DLG2: variants seen among roughly 807,000 people sequenced by gnomAD.
DLG2 encodes the protein discs large MAGUK scaffold protein 2, also known as disks large homolog 2.
A neutral mutation model predicts 132.5 loss-of-function variants in DLG2; 45 were observed. The ratio of observed to expected loss-of-function variants is 0.34; its 90% confidence interval spans 0.27 to 0.44. The LOEUF (loss-of-function observed/expected upper bound fraction) is 0.44. Among genes scored for constraint, DLG2 ranks in the 20% least tolerant of loss-of-function variants. The pLI is 1.00. For synonymous variants in DLG2, 424 were observed against 419.6 expected (o/e 1.01, Z -0.13); for missense variants, 1,045 against 1,196.9 (o/e 0.87, Z 1.87).
intron 6 of DLG2, among the ~76,000 whole-genome samples, chr11:84,837,797 G>A (rs189976758): frequency 1.1e-4 from 17 of 151,832 alleles, no homozygotes; most frequent in Middle Eastern, 3.4e-3. Context: ...CACTCATTCC[G>A]CAATCTCCAG....
chr11:83,696,463 G>C (rs938329673), intron 18 of DLG2, among the ~76,000 whole-genome samples: 1 of 152,124 alleles, frequency 6.6e-6, no homozygotes. Flanking sequence ...CAGCCAGTCA[G>C]TCAGTCAGTA....
intron 15 of DLG2, among the ~76,000 whole-genome samples, chr11:83,911,491 G>A (rs756239613): frequency 1.5e-4 from 23 of 151,668 alleles, no homozygotes; most frequent in South Asian, 4.2e-4. Flanking sequence ...ATTTTTTAAT[G>A]TGTGGGATTT....
At chr11:84,273,315 A>C in intron 7 of DLG2, 2 of 1,403,464 alleles carry the variant, frequency 1.4e-6, no homozygotes, top group South Asian at 1.6e-5. Context: ...GGAAAAAAAA[A>C]AAAAAAAAAA....
At chr11:84,409,419 T>C (rs1047866624) in intron 7 of DLG2, among the ~76,000 whole-genome samples, 15 of 152,188 alleles carry the variant, frequency 9.9e-5, no homozygotes, top group African/African-American at 2.9e-4. Context: ...AGGAGTGGTA[T>C]TGTCAGCAGG....
rs562889446 is a variant in DLG2 at position 84,246,388 on chromosome 11, T to C, written c.573+4850A>G. On this transcript the variant is annotated intron_variant, in intron 8 of 27. Coordinates refer to ENST00000376104, the MANE Select transcript of DLG2 (RefSeq NM_001142699.3). ...CTTATTAGCTGTCTGGGTGATCAAATTGACTATCCTGGTATAGTAGTTTCT... is the reference window on the plus strand; with the variant it reads ...CTTATTAGCTGTCTGGGTGATCAAACTGACTATCCTGGTATAGTAGTTTCT... Among the ~76,000 whole-genome samples, 4 of 152,298 alleles carry C rather than the reference T, an allele frequency of 2.6e-5. No individual in the cohort carries two copies. In the South Asian group the frequency reaches 8.3e-4, roughly 32 times the overall value.
rs1566561166 is a variant in DLG2, at chr11:83,692,526, T to C, written c.1826-59201A>G. Among the ~76,000 whole-genome samples the C allele has an allele frequency of 2.0e-5, 3 of 152,274 alleles. No individual in the cohort carries two copies. In the South Asian group the frequency reaches 6.2e-4, roughly 32 times the overall value. On this transcript the variant is annotated intron_variant, in intron 18 of 27. Transcript: ENST00000376104. Reference sequence around the variant, plus strand: ...GAGGAGTTGCTAATAGTTATGGGGTTTCTTTTGGAGATGATGAAAATGCTC... The same window carrying C: ...GAGGAGTTGCTAATAGTTATGGGGTCTCTTTTGGAGATGATGAAAATGCTC...
chr11:84,400,179 C>T (rs555214262), intron 7 of DLG2, among the ~76,000 whole-genome samples: 1 of 152,112 alleles, frequency 6.6e-6, no homozygotes, highest in African/African-American at 2.4e-5. Flanking sequence ...AAGATTATGA[C>T]CAATAATTTT....
At chr11:84,896,511 A>G (rs1174030622) in intron 6 of DLG2, among the ~76,000 whole-genome samples, 1 of 152,120 alleles carries the variant, frequency 6.6e-6, no homozygotes, top group African/African-American at 2.4e-5. Context: ...AGTAACAATG[A>G]TAAATAGTAA....
chr11:83,555,494 A>G (rs955463233), intron 19 of DLG2, among the ~76,000 whole-genome samples: 2 of 152,226 alleles, frequency 1.3e-5, no homozygotes, highest in Non-Finnish European at 2.9e-5. Flanking sequence ...CAGTGGTGGC[A>G]ATAGGATGGA....
chr11:85,036,319 T>C (rs1367207323), intron 6 of DLG2, among the ~76,000 whole-genome samples: 1 of 152,192 alleles, frequency 6.6e-6, no homozygotes, highest in African/African-American at 2.4e-5. Context: ...ATATTTTCTT[T>C]ATTTGTTTTT....
chr11:84,984,596 G>A (rs1320765370), intron 6 of DLG2, among the ~76,000 whole-genome samples: 15 of 123,078 alleles, frequency 1.2e-4, no homozygotes, highest in East Asian at 3.2e-4. Context: ...AACCTTCCAA[G>A]GTATACAGGC....
In DLG2 at chr11:84,299,690, T is replaced by C. The variant is rs1434654542; in HGVS notation, c.520-48399A>G. Among the ~76,000 whole-genome samples the C allele has an allele frequency of 3.3e-5, 5 of 152,240 alleles. No individual in the cohort carries two copies. In the East Asian group the frequency reaches 9.6e-4, roughly 29 times the overall value. On this transcript the variant is annotated intron_variant, in intron 7 of 27. Coordinates refer to ENST00000376104, the MANE Select transcript of DLG2 (RefSeq NM_001142699.3). ...TTATACTTGCGTTTGATTTAGTTAT[T>C]GGAAAAACGAGTCCATAGGGAACTC...
intron 7 of DLG2, among the ~76,000 whole-genome samples, chr11:84,392,463 T>C (rs2098795857): frequency 6.6e-6 from 1 of 152,150 alleles, no homozygotes; most frequent in African/African-American, 2.4e-5. Context: ...AGGTGTAGGT[T>C]AGTATTTGTC....
At chr11:83,480,491 A>C in intron 22 of DLG2, 1 of 1,494,386 alleles carries the variant, frequency 6.7e-7, no homozygotes, top group Non-Finnish European at 9.0e-7. Context: ...ACACTCATGC[A>C]AGGCTACCAG....
intron 11 of DLG2, among the ~76,000 whole-genome samples, chr11:84,055,253 T>C (rs2096478429): frequency 6.6e-6 from 1 of 152,008 alleles, no homozygotes; most frequent in Admixed American, 6.6e-5. Context: ...TACCAATAAA[T>C]GGCATCAAGA....
rs567779464 is a variant in DLG2, at chr11:84,547,402, G to A, written c.358-12671C>T. ...AAAGTACACTTTAGCCTTTCTTTACGCCATCTTAAATGCTTGAAAACCTTC... is the reference window on the plus strand; with the variant it reads ...AAAGTACACTTTAGCCTTTCTTTACACCATCTTAAATGCTTGAAAACCTTC... On this transcript the variant is annotated intron_variant, in intron 6 of 27. Transcript: ENST00000376104. Among the ~76,000 whole-genome samples the A allele has an allele frequency of 3.6e-4, 54 of 151,962 alleles. No homozygotes were observed. The South Asian group carries it at 4.8e-3, about 13-fold the overall frequency.
chr11:85,602,354 T>C (rs903536465), intron 2 of DLG2, among the ~76,000 whole-genome samples: 2 of 152,214 alleles, frequency 1.3e-5, no homozygotes, highest in African/African-American at 2.4e-5. Flanking sequence ...CTAGTTTACA[T>C]GCTGTCACCT....
At chr11:84,781,835 C>T (rs1307991464) in intron 6 of DLG2, among the ~76,000 whole-genome samples, 2 of 151,978 alleles carry the variant, frequency 1.3e-5, no homozygotes, top group African/African-American at 2.4e-5. Context: ...TTTTAGTAGT[C>T]GAGAGATTCC....
chr11:84,816,067 T>C (rs1008753163), intron 6 of DLG2, among the ~76,000 whole-genome samples: 12 of 152,040 alleles, frequency 7.9e-5, no homozygotes, highest in Non-Finnish European at 2.9e-5. Context: ...TCAACAGTTA[T>C]ACTGTCTCAA....
Sources: gnomAD v4.1 joint callset for allele counts (sites outside exome capture counted in the v4.1 genomes callset) on GRCh38, gnomAD v4.1.1 for gene constraint, MANE v1.5 for transcripts, NCBI Gene and HGNC (gene_info 2026-07-23, HGNC 2026-07-21) for gene names.